C12orf42: variants seen among roughly 807,000 people sequenced by gnomAD.
C12orf42 encodes the protein uncharacterized protein C12orf42.
C12orf42 carries 25 observed loss-of-function variants against 21.6 expected under a neutral mutation model. The observed-to-expected ratio is 1.16, with a 90% CI of 0.84 to 1.62. The LOEUF (loss-of-function observed/expected upper bound fraction) is 1.62. Among genes scored for constraint, C12orf42 ranks in the 40% most tolerant of loss-of-function variants. The pLI, the probability that C12orf42 is intolerant of heterozygous loss-of-function variation, is 0.00. For synonymous variants in C12orf42, 174 were observed against 175.0 expected (o/e 0.99, Z 0.05); for missense variants, 483 against 459.3 (o/e 1.05, Z -0.47).
downstream of C12orf42, among the ~76,000 whole-genome samples, chr12:103,265,996 C>A (rs542358818): frequency 5.9e-5 from 9 of 152,160 alleles, no homozygotes; most frequent in African/African-American, 2.2e-4. Context: ...TAATCTACCC[C>A]TGGATTAGAC....
the C12orf42 span, among the ~76,000 whole-genome samples, chr12:103,502,712 A>G: frequency 2.0e-5 from 3 of 152,172 alleles, no homozygotes; most frequent in Non-Finnish European, 4.4e-5. Context: ...TATCCCAGAT[A>G]TACCCCAGAT....
At chr12:103,348,346 C>T (rs1471915147) in intron 4 of C12orf42, among the ~76,000 whole-genome samples, 1 of 152,144 alleles carries the variant, frequency 6.6e-6, no homozygotes, top group African/African-American at 2.4e-5. Flanking sequence ...AAGATCCTAC[C>T]TTATTGTGGG....
chr12:103,532,080 C>A, the C12orf42 span, among the ~76,000 whole-genome samples: 1 of 152,112 alleles, frequency 6.6e-6, no homozygotes, highest in African/African-American at 2.4e-5. Flanking sequence ...AGAAACTCAC[C>A]TAACTTTTAT....
chr12:103,081,620 A>G, the C12orf42 span: 1 of 152,192 alleles, frequency 6.6e-6, no homozygotes, highest in African/African-American at 2.4e-5. Context: ...CTTAGAAGAT[A>G]GTTTGTCTGG....
chr12:103,192,698 A>C, the C12orf42 span, among the ~76,000 whole-genome samples: 1 of 152,168 alleles, frequency 6.6e-6, no homozygotes. Flanking sequence ...GGAGGATAAA[A>C]CTATCAATAT....
intron 10 of C12orf42, among the ~76,000 whole-genome samples, chr12:103,261,182 T>G (rs2034881644): frequency 6.6e-6 from 1 of 152,116 alleles, no homozygotes; most frequent in Non-Finnish European, 1.5e-5. Context: ...TCAAAATTAA[T>G]GTATGGGGCC....
chr12:103,436,741 G>A (rs1442870938), intron 2 of C12orf42, among the ~76,000 whole-genome samples: 1 of 152,158 alleles, frequency 6.6e-6, no homozygotes, highest in East Asian at 1.9e-4. Context: ...GGAGCACCCA[G>A]ATTCATAAAG....
intron 4 of C12orf42, among the ~76,000 whole-genome samples, chr12:103,329,359 A>G (rs1184447254): frequency 6.6e-6 from 1 of 152,168 alleles, no homozygotes; most frequent in Non-Finnish European, 1.5e-5. Flanking sequence ...GGAGGGGAAC[A>G]TCACACACAA....
chr12:103,551,648 A>G, the C12orf42 span, among the ~76,000 whole-genome samples: 1 of 152,052 alleles, frequency 6.6e-6, no homozygotes, highest in African/African-American at 2.4e-5. Context: ...AAAACCCCAT[A>G]TCTACTAAAA....
rs116131596 is a variant in C12orf42, at chr12:103,356,908, G to A, written c.259+11979C>T. Among the ~76,000 whole-genome samples, 831 of 151,926 alleles carry A rather than the reference G, an allele frequency of 5.5e-3. 4 individuals carry two copies. Among genetic ancestry groups the A allele is most frequent in the African/African-American group, 0.019 (806 of 41,426 alleles). On this transcript the variant is annotated intron_variant, in intron 4 of 5. Coordinates refer to ENST00000548883, the MANE Select transcript of C12orf42 (RefSeq NM_198521.5). ...TCTTGTAAATTTGTTTGAGTTCATT[G>A]TAGAGTGGCACATATACACCATGGA... is the stretch of plus-strand genomic sequence containing the variant.
chr12:103,185,695 T>C, the C12orf42 span, among the ~76,000 whole-genome samples: 1 of 152,146 alleles, frequency 6.6e-6, no homozygotes, highest in Non-Finnish European at 1.5e-5. Flanking sequence ...TCCCCAATAC[T>C]GTTCTTGTGG....
intron 4 of C12orf42, among the ~76,000 whole-genome samples, chr12:103,277,437 T>C (rs527889198): frequency 2.0e-5 from 3 of 152,258 alleles, no homozygotes; most frequent in Admixed American, 2.0e-4. Flanking sequence ...TTCATTTAGC[T>C]TCTGGAAAAT....
the C12orf42 span, among the ~76,000 whole-genome samples, chr12:103,113,981 T>C: frequency 8.5e-5 from 13 of 152,332 alleles, no homozygotes; most frequent in East Asian, 2.3e-3. Context: ...GATTTTTTTG[T>C]TAAATTATAG....
intron 2 of C12orf42, among the ~76,000 whole-genome samples, chr12:103,405,314 C>T (rs1026597445): frequency 5.3e-5 from 8 of 152,158 alleles, no homozygotes; most frequent in African/African-American, 1.9e-4. Flanking sequence ...ATGAAGTTTT[C>T]AGATAAAGAA....
intron 4 of C12orf42, among the ~76,000 whole-genome samples, chr12:103,350,521 T>C (rs1272772344): frequency 6.6e-6 from 1 of 152,202 alleles, no homozygotes; most frequent in Non-Finnish European, 1.5e-5. Flanking sequence ...TAGTTATAGT[T>C]AATCTCTTAC....
At chr12:103,550,914 G>A in the C12orf42 span, among the ~76,000 whole-genome samples, 2 of 151,632 alleles carry the variant, frequency 1.3e-5, no homozygotes, top group African/African-American at 2.4e-5. Context: ...TTCAATTTTT[G>A]CCCTTAATTA....
At chr12:103,201,513 A>AT in the C12orf42 span, among the ~76,000 whole-genome samples, 1 of 152,174 alleles carries the variant, frequency 6.6e-6, no homozygotes, top group Non-Finnish European at 1.5e-5. Context: ...ATTAAAAAAA[A>AT]AAGTTTTGCT....
At chr12:103,189,056 G>A in the C12orf42 span, among the ~76,000 whole-genome samples, 1 of 149,760 alleles carries the variant, frequency 6.7e-6, no homozygotes, top group Non-Finnish European at 1.5e-5. Context: ...GATAGGTTTA[G>A]TTGAGTTTTA....
At chr12:103,071,558 G>A in the C12orf42 span, among the ~76,000 whole-genome samples, 3 of 152,122 alleles carry the variant, frequency 2.0e-5, no homozygotes, top group Non-Finnish European at 4.4e-5. Context: ...GGGCCAGGTA[G>A]AGATAATTGA....
Sources: gnomAD v4.1 joint callset for allele counts (sites outside exome capture counted in the v4.1 genomes callset) on GRCh38, gnomAD v4.1.1 for gene constraint, MANE v1.5 for transcripts, NCBI Gene and HGNC (gene_info 2026-07-23, HGNC 2026-07-21) for gene names.